NEURL4: variants seen among roughly 807,000 people sequenced by gnomAD.
NEURL4 encodes neuralized E3 ubiquitin protein ligase 4, also known as neuralized-like protein 4.
NEURL4 carries 45 observed loss-of-function variants against 148.0 expected under a neutral mutation model. That is an observed-to-expected ratio of 0.30 (90% CI 0.24 to 0.39). The LOEUF is 0.39. Ranked by LOEUF, NEURL4 falls within the 10% of genes least tolerant of loss-of-function variation. The pLI is 1.00. For synonymous variants in NEURL4, 854 were observed against 869.0 expected (o/e 0.98, Z 0.30); for missense variants, 1,776 against 2,144.0 (o/e 0.83, Z 3.39).
Position 7,326,598 on chromosome 17 carries a change from G to A in NEURL4, c.1093-50C>T. ...AAGCAGGGAATGTAAATGCAGAAAG[G>A]GACCTTCAGCCCTTGGTTCTTCCCC... On this transcript the variant is annotated intron_variant, in intron 4 of 28. Transcript: ENST00000399464. The surrounding 1 kb of genome is among the most constrained non-coding windows in gnomAD (Gnocchi z 6.0). 1 of 1,604,900 alleles carries A rather than the reference G, an allele frequency of 6.2e-7. No individual in the cohort carries two copies. The highest frequency in any genetic ancestry group is 8.5e-7 in the Non-Finnish European group (1 of 1,172,084).
At position 7,327,944 on chromosome 17, in the gene NEURL4, C is replaced by A; in HGVS notation, c.283-60G>T. ...GGCCACCCCCCATTCCACAGGCCAC[C>A]ATATCTTCCCACCTCTCAGACAGCT... is the stretch of plus-strand genomic sequence containing the variant. On this transcript the variant is annotated intron_variant, in intron 1 of 28. Transcript: ENST00000399464. The surrounding 1 kb of genome is among the most constrained non-coding windows in gnomAD (Gnocchi z 6.6). 7.6e-7 allele frequency: 1 copy of A among 1,312,412 alleles called. No individual in the cohort carries two copies. Among genetic ancestry groups the A allele is most frequent in the Non-Finnish European group, 1.0e-6 (1 of 961,208 alleles). The allele number at this position is 1,312,412 out of a possible 1,614,324, so 81.3% of individuals were successfully genotyped here.
At chr17:7,319,461 G>A (rs891744358) in intron 21 of NEURL4, among the ~76,000 whole-genome samples, 2 of 148,972 alleles carry the variant, frequency 1.3e-5, no homozygotes, top group South Asian at 2.1e-4. Context: ...AGCACTTTGG[G>A]AGGCTGAGGT....
chr17:7,319,607 G>T (rs2073001012), intron 21 of NEURL4, among the ~76,000 whole-genome samples: 1 of 149,268 alleles, frequency 6.7e-6, no homozygotes, highest in Non-Finnish European at 1.5e-5. Flanking sequence ...GGCTGAGGCA[G>T]AAGAATCGCT....
chr17:7,316,514 C>T (rs896838217), intron 28 of NEURL4, among the ~76,000 whole-genome samples, 187 bp from the exon 29 acceptor site: 1 of 152,246 alleles, frequency 6.6e-6, no homozygotes, highest in Non-Finnish European at 1.5e-5. Flanking sequence ...CCCTTCACTT[C>T]CTTCTTCAAG....
chr17:7,319,280 G>A, intron 21 of NEURL4, 72 bp from the exon 22 acceptor site: 5 of 1,391,388 alleles, frequency 3.6e-6, no homozygotes, highest in Non-Finnish European at 4.9e-6. Flanking sequence ...CAGCCAGAGA[G>A]GGAATACTGC....
chr17:7,316,101 T>G lies in NEURL4; in HGVS notation c.*22A>C. ...CATGGGCCCGCGGCCCGACTGTGCT[T>G]GTAGTAGTGGTGTCTCACCCCTCAT... is the stretch of plus-strand genomic sequence containing the variant. On this transcript the variant is annotated 3_prime_UTR_variant, in exon 29 of 29. Coordinates refer to ENST00000399464, the MANE Select transcript of NEURL4 (RefSeq NM_032442.3). 4 of 1,229,096 alleles carry G rather than the reference T, an allele frequency of 3.3e-6. No individual in the cohort carries two copies. Among genetic ancestry groups the G allele is most frequent in the Non-Finnish European group, 4.8e-6 (4 of 828,666 alleles). The allele number at this position is 1,229,096 out of a possible 1,614,324, so 76.1% of individuals were successfully genotyped here.
Position 7,321,928 on chromosome 17 carries a change from G to A in NEURL4, c.2808C>T (p.Ala936=), listed in dbSNP as rs766738377. ...LEEDGTRAVR[A]AGYAHGLVFS... is the part of the protein sequence containing the mutation. ...AGACAAGGCCATGAGCATAGCCAGC[G>A]GCACGCACTGCCCTCGTGCCATCCT... Residue 936 remains alanine (A), a synonymous_variant, in exon 17 of 29, where the codon GCC becomes GCT. Transcript: ENST00000399464. This position sits in a 1 kb window ranked among gnomAD's most constrained non-coding sequence, Gnocchi z 6.3. 43 of 1,613,804 alleles carry A rather than the reference G, an allele frequency of 2.7e-5. No individual in the cohort carries two copies. Among genetic ancestry groups the A allele is most frequent in the African/African-American group, 4.0e-5 (3 of 74,892 alleles).
chr17:7,325,799 C>T (rs2073096971), intron 6 of NEURL4, 86 bp from the exon 7 acceptor site: 11 of 1,125,150 alleles, frequency 9.8e-6, no homozygotes, highest in South Asian at 3.7e-5. Flanking sequence ...AGAAGGTATT[C>T]GTGAGAGTCT....
Position 7,318,773 on chromosome 17 carries a change from C to T in NEURL4, c.3685-99G>A. On this transcript the variant is annotated intron_variant, in intron 22 of 28. Transcript: ENST00000399464. The surrounding 1 kb of genome is among the most constrained non-coding windows in gnomAD (Gnocchi z 4.3). ...CCTTTTGCCAGTGCCTTGGCTTTGC[C>T]TCCATGCTTGCCCACTGCCGAGGTT... 7.5e-7 allele frequency: 1 copy of T among 1,338,488 alleles called. No homozygotes were observed. Among genetic ancestry groups the T allele is most frequent in the Non-Finnish European group, 1.0e-6 (1 of 984,880 alleles). The allele number at this position is 1,338,488 out of a possible 1,614,324, so 82.9% of individuals were successfully genotyped here.
Position 7,315,702 on chromosome 17 carries a change from C to A in NEURL4, c.*421G>T, listed in dbSNP as rs925047383. On this transcript the variant is annotated 3_prime_UTR_variant, in exon 29 of 29. Coordinates refer to ENST00000399464, the MANE Select transcript of NEURL4 (RefSeq NM_032442.3). ...CAACTGTACAGAGGCCCCCATCTTC[C>A]GTGCGCCCACCCTTCCCCACTCCCG... 2 of 453,222 alleles carry A rather than the reference C, an allele frequency of 4.4e-6. No homozygotes were observed. Among genetic ancestry groups the A allele is most frequent in the Non-Finnish European group, 7.8e-6 (2 of 257,306 alleles). The allele number at this position is 453,222 out of a possible 1,614,324, so 28.1% of individuals were successfully genotyped here.
Position 7,324,708 on chromosome 17 carries a change from G to A in NEURL4, c.1813+91C>T, listed in dbSNP as rs2073078080. The A allele has an allele frequency of 7.1e-7, 1 of 1,409,886 alleles. No homozygotes were observed. The highest frequency in any genetic ancestry group is 1.8e-5 in the Admixed American group (1 of 56,912). 87.3% of individuals were successfully genotyped at this position (1,409,886 alleles called of 1,614,324 possible). A position where few individuals can be genotyped will look rare whatever the true frequency, so the allele number is the denominator to read the frequency against. ...GAATGAGTGGTCACAAGAGTGACAAGTGAAAAAGGAGCTGCAGAACAAGTG... is the reference window on the plus strand; with the variant it reads ...GAATGAGTGGTCACAAGAGTGACAAATGAAAAAGGAGCTGCAGAACAAGTG... On this transcript the variant is annotated intron_variant, in intron 9 of 28. Coordinates refer to ENST00000399464, the MANE Select transcript of NEURL4 (RefSeq NM_032442.3). This position sits in a 1 kb window ranked among gnomAD's most constrained non-coding sequence, Gnocchi z 5.9.
Position 7,317,554 on chromosome 17 carries a change from C to G in NEURL4, c.4225G>C (p.Ala1409Pro). 1 of 1,614,198 alleles carries G rather than the reference C, an allele frequency of 6.2e-7. No individual in the cohort carries two copies. The highest frequency in any genetic ancestry group is 8.5e-7 in the Non-Finnish European group (1 of 1,180,016). ...TGCCACTTCTTGGTTAGTGTCCCAGCCTCCAGGCGGGGATTCACTCTAGGA... is the reference window on the plus strand; with the variant it reads ...TGCCACTTCTTGGTTAGTGTCCCAGGCTCCAGGCGGGGATTCACTCTAGGA... ...FNLRVNPRLE[A>P]GTLTKKWHMA... The change falls in exon 27 of 29, where the codon GCT becomes CCT. Residue 1409 changes from alanine to proline, a missense_variant. Physicochemically the swap from Ala to Pro is conservative, Grantham distance 27 (BLOSUM62 -1). Transcript: ENST00000399464.
At chr17:7,325,740 A>G in intron 6 of NEURL4, 27 bp from the exon 7 acceptor site, 1 of 1,587,686 alleles carries the variant, frequency 6.3e-7, no homozygotes, top group Non-Finnish European at 8.6e-7. Context: ...AACAGTTTAG[A>G]GGAGTCCTGA....
rs752916103 is a variant in NEURL4 at position 7,321,563 on chromosome 17, C to T, written c.3096G>A (p.Leu1032=). ...RMNYGRNLER[L]GVGSRVGVRR... ...TCCCTGGAGCCAGCCACTTCACCCC[C>T]AGCCTCTCTAGGTTCCGGCCATAGT... The change falls in exon 18 of 29, where the codon CTG becomes CTA. Residue 1032 remains leucine (L), a synonymous_variant. Coordinates refer to ENST00000399464, the MANE Select transcript of NEURL4 (RefSeq NM_032442.3). This position sits in a 1 kb window ranked among gnomAD's most constrained non-coding sequence, Gnocchi z 6.3. The T allele has an allele frequency of 1.9e-6, 3 of 1,614,144 alleles. No homozygotes were observed. The highest frequency in any genetic ancestry group is 2.2e-5 in the East Asian group (1 of 44,886).
Position 7,326,717 on chromosome 17 carries a change from C to A in NEURL4, c.1086G>T (p.Met362Ile). 6.2e-7 allele frequency: 1 copy of A among 1,610,048 alleles called. No individual in the cohort carries two copies. The highest frequency in any genetic ancestry group is 8.5e-7 in the Non-Finnish European group (1 of 1,178,920). The change falls in exon 4 of 29, where the codon ATG (methionine) becomes ATT (isoleucine). Residue 362 changes from methionine to isoleucine, a missense_variant. By Grantham distance (10) the Met-to-Ile change is conservative (BLOSUM62 1). Transcript: ENST00000399464. This position sits in a 1 kb window ranked among gnomAD's most constrained non-coding sequence, Gnocchi z 6.0. ...ACCACAGGACTTTGCACACCTCAAA[C>A]ATCTCATTGTCCCGAAGGGGGCGAT... Reference protein sequence around the residue: ...MTNRPLRDNEMFEIRIDKLVD... With the variant: ...MTNRPLRDNEIFEIRIDKLVD...
chr17:7,319,225 TA>T lies in NEURL4; in HGVS notation c.3526-18del, dbSNP rs1273296545. 13 of 1,599,888 alleles carry T rather than the reference TA, an allele frequency of 8.1e-6. No individual in the cohort carries two copies. The highest frequency in any genetic ancestry group is 1.1e-5 in the Non-Finnish European group (13 of 1,170,766). On this transcript the variant is annotated intron_variant, in intron 21 of 28. Transcript: ENST00000399464. ...TATCCGCACCTGGGGAAGAAAGAAC[TA>T]CTCCATAATCACAGCCTCCTGGGAA...
rs189858423 is a variant in NEURL4, at chr17:7,324,341, C to T, written c.1899+54G>A. 2.5e-3 allele frequency: 4,010 copies of T among 1,613,930 alleles called. 5 individuals carry two copies. The highest frequency in any genetic ancestry group is 3.1e-3 in the Non-Finnish European group (3,696 of 1,179,942). On this transcript the variant is annotated intron_variant, in intron 10 of 28. Coordinates refer to ENST00000399464, the MANE Select transcript of NEURL4 (RefSeq NM_032442.3). The surrounding 1 kb of genome is among the most constrained non-coding windows in gnomAD (Gnocchi z 5.9). ...GCCGGGGCTGGTCCTGCATCAGCCC[C>T]GCGGTGTTTGTGATGCCCGCTGCGG...
At chr17:7,328,594 G>A (rs1171351447) in intron 1 of NEURL4, among the ~76,000 whole-genome samples, 2 of 152,216 alleles carry the variant, frequency 1.3e-5, no homozygotes, top group Non-Finnish European at 2.9e-5. Flanking sequence ...AGTAAAGACG[G>A]GGTTTCACCA....
rs879660632 is a variant in NEURL4, at chr17:7,318,703, AG to A, written c.3685-30del. 2.5e-6 allele frequency: 4 copies of A among 1,576,834 alleles called. No individual in the cohort carries two copies. Among genetic ancestry groups the A allele is most frequent in the Non-Finnish European group, 3.5e-6 (4 of 1,158,972 alleles). On this transcript the variant is annotated intron_variant, in intron 22 of 28. Transcript: ENST00000399464. The surrounding 1 kb of genome is among the most constrained non-coding windows in gnomAD (Gnocchi z 4.3). ...GGAGGAGAGACCGGCTGTCTTCCAG[AG>A]GTCAGACTCCACCGCGGCAGCTGTC...
Sources: allele counts gnomAD v4.1 joint callset (sites outside exome capture counted in the v4.1 genomes callset), GRCh38; gene constraint gnomAD v4.1.1; non-coding constraint Gnocchi (gnomAD v3.1); transcripts MANE v1.5; gene names NCBI Gene and HGNC (gene_info 2026-07-23, HGNC 2026-07-21).